Variants in CEP83 observed in about 807,000 individuals in gnomAD.
The protein encoded by CEP83 is centrosomal protein 83.
A neutral mutation model predicts 101.9 loss-of-function variants in CEP83; 70 were observed. The observed-to-expected ratio is 0.69, with a 90% CI of 0.57 to 0.84. The LOEUF (loss-of-function observed/expected upper bound fraction) is 0.84. Among genes scored for constraint, CEP83 ranks in the 40% least tolerant of loss-of-function variants. The pLI is 0.00. For synonymous variants in CEP83, 264 were observed against 267.9 expected, an observed-to-expected ratio of 0.99 and a Z score of 0.14; for missense variants, 715 against 787.2, an observed-to-expected ratio of 0.91 and a Z score of 1.10.
chr12:94,334,853 C>T (rs866412886), intron 12 of CEP83, among the ~76,000 whole-genome samples: 16 of 152,254 alleles, frequency 1.1e-4, no homozygotes, highest in Admixed American at 2.0e-4. Context: ...AAGCAACCTT[C>T]AAAGAGCTTA....
intron 1 of CEP83, among the ~76,000 whole-genome samples, chr12:94,443,326 T>C (rs1486088694): frequency 6.6e-6 from 1 of 152,120 alleles, no homozygotes; most frequent in African/African-American, 2.4e-5. Context: ...ACCTTGTCTA[T>C]TAATCCACAA....
At chr12:94,282,523 C>A in the CEP83 span, 1 of 675,940 alleles carries the variant, frequency 1.5e-6, no homozygotes, top group African/African-American at 1.8e-5. Context: ...TCGATCGTGT[C>A]TGGGGCTGAA....
the CEP83 span, among the ~76,000 whole-genome samples, chr12:94,273,551 G>C: frequency 2.0e-4 from 31 of 152,100 alleles, no homozygotes; most frequent in East Asian, 6.0e-3. Context: ...ACCCCCTGCC[G>C]ACCTAAAAGA....
the CEP83 span, chr12:94,301,072 G>A: frequency 1.2e-6 from 2 of 1,612,414 alleles, no homozygotes; most frequent in East Asian, 4.5e-5. Context: ...GGCCCAGCTT[G>A]AGTATTTCTT....
intron 2 of CEP83, among the ~76,000 whole-genome samples, chr12:94,430,063 A>G (rs2065505252): frequency 6.6e-6 from 1 of 152,120 alleles, no homozygotes; most frequent in South Asian, 2.1e-4. Flanking sequence ...TGGGGAGTCT[A>G]AAGACAAGCC....
chr12:94,442,521 A>ATT (rs60529674), intron 1 of CEP83, among the ~76,000 whole-genome samples: 1 of 150,370 alleles, frequency 6.7e-6, no homozygotes, highest in African/African-American at 2.4e-5. Flanking sequence ...TGAAATAATG[A>ATT]TTTTTTTTTT....
At chr12:94,297,302 T>G in the CEP83 span, 2 of 1,613,100 alleles carry the variant, frequency 1.2e-6, no homozygotes, top group Non-Finnish European at 1.7e-6. Context: ...ACGCTTCTGC[T>G]GTCTTCCCTT....
At chr12:94,310,561 A>T (rs1301931274) in intron 15 of CEP83, among the ~76,000 whole-genome samples, 2 of 152,210 alleles carry the variant, frequency 1.3e-5, no homozygotes, top group African/African-American at 4.8e-5. Flanking sequence ...TCCTGCAGTC[A>T]GCCCTGCAGA....
At chr12:94,402,903 A>G in intron 5 of CEP83, 1 of 198,562 alleles carries the variant, frequency 5.0e-6, no homozygotes, top group Non-Finnish European at 1.0e-5. Context: ...TGTCGCAAAA[A>G]AATTAAAAAA....
At chr12:94,375,141 T>A (rs999532049) in intron 8 of CEP83, among the ~76,000 whole-genome samples, 2 of 151,778 alleles carry the variant, frequency 1.3e-5, no homozygotes, top group African/African-American at 2.4e-5. Flanking sequence ...GGGAAGGTGG[T>A]GGGAAAGAAA....
downstream of CEP83, among the ~76,000 whole-genome samples, chr12:94,302,759 CTAAT>C (rs146123118): frequency 7.8e-4 from 119 of 152,284 alleles, 1 homozygote; most frequent in East Asian, 0.022. Flanking sequence ...ACTACTGCTG[CTAAT>C]TATTTGTATC....
At chr12:94,383,471 C>T (rs1408085696) in intron 6 of CEP83, among the ~76,000 whole-genome samples, 1 of 151,986 alleles carries the variant, frequency 6.6e-6, no homozygotes, top group Admixed American at 6.6e-5. Context: ...TCATAAGGAG[C>T]ACCCTGACTT....
At chr12:94,436,990 C>CT (rs2066040323) in intron 1 of CEP83, among the ~76,000 whole-genome samples, 1 of 151,926 alleles carries the variant, frequency 6.6e-6, no homozygotes, top group South Asian at 2.1e-4. Flanking sequence ...GTTTAGGAAA[C>CT]TATTTGAGGG....
the CEP83 span, among the ~76,000 whole-genome samples, chr12:94,276,578 C>T: frequency 4.8e-4 from 73 of 152,320 alleles, no homozygotes; most frequent in Middle Eastern, 3.4e-3. Flanking sequence ...CCTGGTTCTG[C>T]CACTGGTGAG....
At chr12:94,285,112 TCAG>T in the CEP83 span, among the ~76,000 whole-genome samples, 1 of 80,578 alleles carries the variant, frequency 1.2e-5, no homozygotes, top group African/African-American at 4.6e-5. Context: ...GTCAAAGATA[TCAG>T]TTGGGGATGA....
chr12:94,318,965 AAC>A (rs960246572), intron 14 of CEP83, among the ~76,000 whole-genome samples: 2 of 152,148 alleles, frequency 1.3e-5, no homozygotes, highest in Non-Finnish European at 2.9e-5. Flanking sequence ...ATTTTTTGTT[AAC>A]AGTTTCAGGA....
chr12:94,332,520 T>C (rs969492337), intron 13 of CEP83, among the ~76,000 whole-genome samples: 1 of 152,198 alleles, frequency 6.6e-6, no homozygotes, highest in African/African-American at 2.4e-5. Flanking sequence ...TTTTCTTCTA[T>C]GAAATTCTAT....
At chr12:94,305,264 G>A, downstream of CEP83, 2 of 1,609,276 alleles carry the variant, frequency 1.2e-6, no homozygotes, top group Non-Finnish European at 8.5e-7. Context: ...TTGATGAAAA[G>A]AAGAAATGCA....
chr12:94,424,361 G>A, intron 2 of CEP83: 2 of 1,613,938 alleles, frequency 1.2e-6, no homozygotes, highest in South Asian at 1.1e-5. Context: ...TACTCCAGGG[G>A]GTGTCTTAAT....
Sources: gnomAD v4.1 joint callset for allele counts (sites outside exome capture counted in the v4.1 genomes callset) on GRCh38, gnomAD v4.1.1 for gene constraint, MANE v1.5 for transcripts, NCBI Gene and HGNC (gene_info 2026-07-23, HGNC 2026-07-21) for gene names.